The following DIAPH2 variants were observed in gnomAD, a reference collection of about 807,000 sequenced individuals.
The protein encoded by DIAPH2 is protein diaphanous homolog 2.
DIAPH2 carries 35 observed loss-of-function variants against 92.7 expected under a neutral mutation model. The ratio of observed to expected loss-of-function variants is 0.38; its 90% CI spans 0.29 to 0.50. The LOEUF (loss-of-function observed/expected upper bound fraction) is 0.50, where lower values mean the gene tolerates loss of function less well. Among genes scored for constraint, DIAPH2 ranks in the 20% least tolerant of loss-of-function variants. The pLI is 0.94. For synonymous variants in DIAPH2, 301 were observed against 280.4 expected (o/e 1.07, Z -0.73); for missense variants, 701 against 819.5 (o/e 0.86, Z 1.77).
intron 13 of DIAPH2, among the ~76,000 whole-genome samples, chrX:96,943,324 G>A (rs1329880129): frequency 1.8e-5 from 2 of 110,994 alleles, no homozygotes; most frequent in Non-Finnish European, 3.8e-5. Flanking sequence ...CAACATTCTT[G>A]TATATAAATG....
rs1373068118 is a variant in DIAPH2 at position 96,991,545 on chromosome X, T to TTG, written c.2050+26339_2050+26340insGT. 1.1e-4 allele frequency among the ~76,000 whole-genome samples: 12 copies of TTG among 106,679 alleles called. 1 individual carries two copies. Among genetic ancestry groups the TTG allele is most frequent in the African/African-American group, 4.1e-4 (12 of 29,437 alleles). The allele number at this position is 106,679 out of a possible 115,157, so 92.6% of individuals were successfully genotyped here. A position where few individuals can be genotyped will look rare whatever the true frequency, so the allele number is the denominator to read the frequency against. Reference sequence around the variant, plus strand: ...AGGTATCCTGTTTTATGGTGTTTTTTTTTTTTTTTTTTACTATGTTATAAT... The same window carrying TTG: ...AGGTATCCTGTTTTATGGTGTTTTTTTGTTTTTTTTTTTTACTATGTTATAAT... On this transcript the variant is annotated intron_variant, in intron 17 of 26. Coordinates refer to ENST00000324765, the MANE Select transcript of DIAPH2 (RefSeq NM_006729.5).
intron 2 of DIAPH2, among the ~76,000 whole-genome samples, chrX:96,736,534 G>C (rs1192392338): frequency 2.7e-5 from 3 of 111,063 alleles, no homozygotes; most frequent in Non-Finnish European, 5.7e-5. Flanking sequence ...ACCCTCCCAA[G>C]TAGCTGGGAT....
intron 26 of DIAPH2, among the ~76,000 whole-genome samples, chrX:97,430,482 A>T (rs945380658): frequency 2.7e-5 from 3 of 112,490 alleles, no homozygotes; most frequent in Non-Finnish European, 5.6e-5. Flanking sequence ...TTCTATTTGT[A>T]GCTCATATCT....
At chrX:97,570,098 ATAT>A (rs2071355859) in intron 26 of DIAPH2, among the ~76,000 whole-genome samples, 1 of 30,865 alleles carries the variant, frequency 3.2e-5, no homozygotes, top group Non-Finnish European at 6.2e-5. Flanking sequence ...ATATATATAT[ATAT>A]ATATATATAT....
intron 25 of DIAPH2, among the ~76,000 whole-genome samples, chrX:97,422,228 G>A (rs1419489779): frequency 1.8e-5 from 2 of 110,364 alleles, no homozygotes; most frequent in East Asian, 2.8e-4. Flanking sequence ...CAGTGCACAT[G>A]TATGTGCACT....
At chrX:96,945,408 A>G in intron 13 of DIAPH2, 119 bp from the exon 14 acceptor site, 1 of 487,204 alleles carries the variant, frequency 2.1e-6, no homozygotes. Context: ...GTCAATTTCC[A>G]TTTAATAAGG....
At position 97,320,099 on chromosome X, in the gene DIAPH2, C is replaced by CA. The variant is rs763311457; in HGVS notation, c.2845-28007dup. Reference sequence around the variant, plus strand: ...TGGGTGACAGAGTGAGACTCTGTCTCAAAAAAAAAATATATATATATATAA... The same window carrying CA: ...TGGGTGACAGAGTGAGACTCTGTCTCAAAAAAAAAAATATATATATATATAA... On this transcript the variant is annotated intron_variant, in intron 23 of 26. Coordinates refer to ENST00000324765, the MANE Select transcript of DIAPH2 (RefSeq NM_006729.5). 9.8e-4 allele frequency among the ~76,000 whole-genome samples: 81 copies of CA among 82,358 alleles called. 1 individual carries two copies. The highest frequency in any genetic ancestry group is 6.5e-3 in the Middle Eastern group (1 of 155). The allele number at this position is 82,358 out of a possible 115,157, so 71.5% of individuals were successfully genotyped here.
chrX:96,735,435 A>G (rs969087592), intron 1 of DIAPH2, among the ~76,000 whole-genome samples: 9 of 111,098 alleles, frequency 8.1e-5, no homozygotes, highest in Non-Finnish European at 1.5e-4. Flanking sequence ...AAACTTATAT[A>G]TAGCATGCCA....
chrX:97,432,849 C>G (rs1214932597), intron 26 of DIAPH2, among the ~76,000 whole-genome samples: 3 of 111,855 alleles, frequency 2.7e-5, no homozygotes. Context: ...TCTCGAACTC[C>G]TGACCTCAGG....
chrX:96,814,786 C>G (rs2064717402), intron 4 of DIAPH2, among the ~76,000 whole-genome samples: 1 of 111,849 alleles, frequency 8.9e-6, no homozygotes, highest in Non-Finnish European at 1.9e-5. Flanking sequence ...AGTCAGGTCC[C>G]TCAGATGCAG....
chrX:97,594,679 T>G lies in DIAPH2; in HGVS notation c.3242-4574T>G, dbSNP rs577561717. Among the ~76,000 whole-genome samples the G allele has an allele frequency of 2.7e-5, 3 of 112,990 alleles. No homozygotes were observed. The South Asian group carries it at 1.1e-3, about 41-fold the overall frequency. ...GGGCTTTGGAGAAAGCAAAGCTCAT[T>G]GTAAATTACAGAGGGTTTCTTTTAC... is the stretch of plus-strand genomic sequence containing the variant. On this transcript the variant is annotated intron_variant, in intron 26 of 26. Transcript: ENST00000324765.
intron 23 of DIAPH2, among the ~76,000 whole-genome samples, chrX:97,317,810 C>T (rs903911633): frequency 9.0e-6 from 1 of 111,271 alleles, no homozygotes; most frequent in Non-Finnish European, 1.9e-5. Context: ...TTGTAATCAC[C>T]GTAACTTGAT....
chrX:97,208,856 G>C (rs1195598481), intron 22 of DIAPH2, among the ~76,000 whole-genome samples: 5 of 110,322 alleles, frequency 4.5e-5, no homozygotes, highest in Admixed American at 9.7e-5. Flanking sequence ...GTAATGTAAG[G>C]CAGCGGTGAG....
chrX:96,748,453 T>C (rs765760303), intron 3 of DIAPH2, among the ~76,000 whole-genome samples: 1 of 112,006 alleles, frequency 8.9e-6, no homozygotes, highest in African/African-American at 3.2e-5. Flanking sequence ...GAACACCACC[T>C]AAATACACTG....
rs185568475 is a variant in DIAPH2, at chrX:96,984,030, G to A, written c.2050+18823G>A. On this transcript the variant is annotated intron_variant, in intron 17 of 26. Transcript: ENST00000324765. The stretch of plus-strand genomic sequence containing the variant: ...GTTTGTTCTGGTTTTTATGAATTTT[G>A]CAAATGGTTATAAATGGGTAATCTC... 3.6e-5 allele frequency among the ~76,000 whole-genome samples: 4 copies of A among 111,389 alleles called. No homozygotes were observed. The East Asian group carries it at 1.1e-3, about 31-fold the overall frequency.
intron 17 of DIAPH2, 66 bp from the exon 18 acceptor site, chrX:97,072,875 C>G: frequency 1.5e-6 from 1 of 671,658 alleles, no homozygotes; most frequent in Non-Finnish European, 2.2e-6. Flanking sequence ...ATATGCCTTA[C>G]TAATGTTATT....
chrX:97,525,412 G>A (rs1168274993), intron 26 of DIAPH2, among the ~76,000 whole-genome samples: 1 of 112,101 alleles, frequency 8.9e-6, no homozygotes, highest in Non-Finnish European at 1.9e-5. Flanking sequence ...CCATCACCGG[G>A]GGGCTATGAA....
At chrX:96,867,242 G>A (rs1018422105) in intron 4 of DIAPH2, among the ~76,000 whole-genome samples, 2 of 110,917 alleles carry the variant, frequency 1.8e-5, no homozygotes, top group Non-Finnish European at 3.8e-5. Flanking sequence ...TTTTTTAGAC[G>A]GAGTCTTGCT....
At chrX:97,301,108 G>A (rs1246870376) in intron 23 of DIAPH2, among the ~76,000 whole-genome samples, 2 of 95,002 alleles carry the variant, frequency 2.1e-5, no homozygotes, top group African/African-American at 4.0e-5. Flanking sequence ...TCGACATCGC[G>A]CCACTGCACT....
Sources: gnomAD v4.1 joint callset for allele counts (sites outside exome capture counted in the v4.1 genomes callset) on GRCh38, gnomAD v4.1.1 for gene constraint, MANE v1.5 for transcripts, NCBI Gene and HGNC (gene_info 2026-07-23, HGNC 2026-07-21) for gene names.